The following TBC1D5 variants were observed in gnomAD, a reference collection of about 807,000 sequenced individuals.
The protein encoded by TBC1D5 is TBC1 domain family member 5.
TBC1D5 carries 75 observed loss-of-function variants against 100.3 expected under a neutral mutation model. The observed-to-expected ratio is 0.75, with a 90% confidence interval of 0.62 to 0.91. TBC1D5 has a LOEUF of 0.91. Among genes scored for constraint, TBC1D5 ranks in the 40% least tolerant of loss-of-function variants. The probability of loss-of-function intolerance (pLI) is 0.00; values close to 1 mark genes in which losing one functional copy is unlikely to be tolerated. For missense variants in TBC1D5, 910 were observed against 942.4 expected (o/e 0.97, Z 0.45); for synonymous variants, 323 against 325.6 (o/e 0.99, Z 0.09).
chr3:17,598,995 T>C (rs1180961676), intron 2 of TBC1D5, among the ~76,000 whole-genome samples: 1 of 152,164 alleles, frequency 6.6e-6, no homozygotes, highest in Non-Finnish European at 1.5e-5. Flanking sequence ...CAAACTAGAA[T>C]TGTGGCTATG....
At position 17,289,500 on chromosome 3, in the gene TBC1D5, G is replaced by T. The variant is rs566181419; in HGVS notation, c.1245+2395C>A. 1.2e-3 allele frequency among the ~76,000 whole-genome samples: 181 copies of T among 152,116 alleles called. 1 individual carries two copies. The highest frequency in any genetic ancestry group is 5.8e-4 in the East Asian group (3 of 5,166). ...AATACAAAAATTAGCCGGGTGTGATGGTGGACACCTGTAGTCCCAGCTACT... is the reference window on the plus strand; with the variant it reads ...AATACAAAAATTAGCCGGGTGTGATTGTGGACACCTGTAGTCCCAGCTACT... On this transcript the variant is annotated intron_variant, in intron 15 of 21. Coordinates refer to ENST00000253692, the Ensembl canonical transcript of TBC1D5.
intron 1 of TBC1D5, among the ~76,000 whole-genome samples, chr3:17,655,078 T>A (rs1382923981): frequency 3.3e-5 from 5 of 151,874 alleles, no homozygotes; most frequent in Admixed American, 6.6e-5. Flanking sequence ...TTGCTAGCGG[T>A]CTATCAATTT....
chr3:17,389,496 A>T (rs2093284518), intron 8 of TBC1D5, among the ~76,000 whole-genome samples: 2 of 152,048 alleles, frequency 1.3e-5, no homozygotes, highest in Admixed American at 1.3e-4. Flanking sequence ...TCAGAACCAG[A>T]CCACCATGCT....
chr3:17,163,094 G>A (rs2125045409), intron 21 of TBC1D5, among the ~76,000 whole-genome samples: 1 of 152,310 alleles, frequency 6.6e-6, no homozygotes, highest in Non-Finnish European at 1.5e-5. Flanking sequence ...AGATTCTGAA[G>A]TGGAGAAATA....
intron 3 of TBC1D5, among the ~76,000 whole-genome samples, chr3:17,454,523 G>C (rs769307768): frequency 1.3e-5 from 2 of 151,664 alleles, no homozygotes; most frequent in Non-Finnish European, 2.9e-5. Context: ...GCAGTGGTAC[G>C]ATCTCGGCTC....
chr3:17,337,259 C>G (rs1183927936), intron 13 of TBC1D5: 1 of 151,444 alleles, frequency 6.6e-6, no homozygotes, highest in Non-Finnish European at 1.5e-5. Context: ...GGTCCAGGGA[C>G]CACATCTTAA....
intron 3 of TBC1D5, among the ~76,000 whole-genome samples, chr3:17,506,632 A>G (rs996739276): frequency 6.6e-6 from 1 of 152,190 alleles, no homozygotes; most frequent in Non-Finnish European, 1.5e-5. Flanking sequence ...TTAAACATCA[A>G]TTCAGTCCTA....
intron 1 of TBC1D5, among the ~76,000 whole-genome samples, chr3:17,721,379 T>TA (rs1257206438): frequency 5.3e-5 from 8 of 152,014 alleles, no homozygotes; most frequent in Non-Finnish European, 1.2e-4. Flanking sequence ...GAATTAATAT[T>TA]AAAAAATTCA....
At chr3:17,494,510 G>A (rs971987978) in intron 3 of TBC1D5, among the ~76,000 whole-genome samples, 1 of 152,232 alleles carries the variant, frequency 6.6e-6, no homozygotes, top group Admixed American at 6.5e-5. Flanking sequence ...CCAGCAGGCA[G>A]GAAATACTAA....
At chr3:17,561,512 C>T (rs1023952345) in intron 2 of TBC1D5, among the ~76,000 whole-genome samples, 1 of 152,098 alleles carries the variant, frequency 6.6e-6, no homozygotes, top group Non-Finnish European at 1.5e-5. Context: ...TCTTTGCAAG[C>T]TCAATAAAAT....
intron 8 of TBC1D5, among the ~76,000 whole-genome samples, chr3:17,389,101 T>C (rs569802377): frequency 5.4e-4 from 82 of 152,264 alleles, no homozygotes; most frequent in Middle Eastern, 3.4e-3. Context: ...TTCTCTTTTT[T>C]ATCTTGTAAT....
At chr3:17,563,733 G>C (rs573319720) in intron 2 of TBC1D5, among the ~76,000 whole-genome samples, 3 of 152,178 alleles carry the variant, frequency 2.0e-5, no homozygotes, top group South Asian at 4.2e-4. Context: ...TCATCACTGG[G>C]GAAAGAATTA....
intron 1 of TBC1D5, among the ~76,000 whole-genome samples, chr3:17,654,247 C>A (rs931070226): frequency 1.3e-5 from 2 of 152,042 alleles, no homozygotes; most frequent in African/African-American, 2.4e-5. Context: ...TAGAATTACA[C>A]TGACAAATTT....
At chr3:17,167,723 A>G (rs2066780294) in intron 20 of TBC1D5, 26 bp downstream of exon 21, 1 of 1,606,812 alleles carries the variant, frequency 6.2e-7, no homozygotes, top group Non-Finnish European at 8.5e-7. Flanking sequence ...GGACACAAAG[A>G]AATAGTGTCA....
chr3:17,566,637 A>G (rs1302318207), intron 2 of TBC1D5, among the ~76,000 whole-genome samples: 1 of 151,888 alleles, frequency 6.6e-6, no homozygotes, highest in African/African-American at 2.4e-5. Flanking sequence ...ACCTGCAACT[A>G]AAAGCCTAAA....
intron 18 of TBC1D5, among the ~76,000 whole-genome samples, chr3:17,194,949 T>C (rs1015266957): frequency 1.3e-5 from 2 of 152,218 alleles, no homozygotes; most frequent in African/African-American, 4.8e-5. Context: ...GGAATAAATA[T>C]ACTGGAAATT....
At chr3:17,324,819 G>A (rs2085885175) in intron 13 of TBC1D5, among the ~76,000 whole-genome samples, 2 of 151,924 alleles carry the variant, frequency 1.3e-5, no homozygotes, top group Admixed American at 6.6e-5. Flanking sequence ...TCAAAGAAGT[G>A]GTATGAAAAG....
chr3:17,610,258 C>G (rs2061583606), intron 2 of TBC1D5, among the ~76,000 whole-genome samples: 1 of 152,112 alleles, frequency 6.6e-6, no homozygotes, highest in South Asian at 2.1e-4. Context: ...GATTATGGTT[C>G]ACTGCAACCT....
intron 14 of TBC1D5, among the ~76,000 whole-genome samples, chr3:17,306,797 A>C (rs576063882): frequency 6.6e-6 from 1 of 152,250 alleles, no homozygotes; most frequent in Non-Finnish European, 1.5e-5. Context: ...TTTATATTAA[A>C]AAATACAACT....
Sources: gnomAD v4.1 joint callset for allele counts (sites outside exome capture counted in the v4.1 genomes callset) on GRCh38, gnomAD v4.1.1 for gene constraint, MANE v1.5 for transcripts, NCBI Gene and HGNC (gene_info 2026-07-23, HGNC 2026-07-21) for gene names.